GRAMD2A: variants seen among roughly 807,000 people sequenced by gnomAD.
GRAMD2A encodes the protein GRAM domain-containing protein 2A.
Under a neutral mutation model 51.1 loss-of-function variants are expected in GRAMD2A, and 37 were observed. The observed-to-expected ratio is 0.72, with a 90% CI of 0.56 to 0.95. The LOEUF (loss-of-function observed/expected upper bound fraction) is 0.95. Among genes scored for constraint, GRAMD2A ranks in the 40% least tolerant of loss-of-function variants. The pLI is 0.00. For synonymous variants in GRAMD2A, 136 were observed against 157.1 expected (o/e 0.87, Z 1.01); for missense variants, 414 against 426.9 (o/e 0.97, Z 0.27).
chr15:72,168,903 C>G, intron 3 of GRAMD2A, 36 bp downstream of exon 3: 1 of 1,600,776 alleles, frequency 6.2e-7, no homozygotes, highest in South Asian at 1.1e-5. Context: ...GGACCCCTTC[C>G]TGGGTGAATA....
In GRAMD2A at chr15:72,195,446, C is replaced by T. The variant is rs530636373; in HGVS notation, c.41+2285G>A. Among the ~76,000 whole-genome samples, 10 of 152,288 alleles carry T rather than the reference C, an allele frequency of 6.6e-5. No homozygotes were observed. The East Asian group carries it at 1.9e-3, about 29-fold the overall frequency. ...TAAGCAGGTTAGGGGCGGGGTGGAG[C>T]CACCCAGGAGGCACTAACAGCGCAG... On this transcript the variant is annotated intron_variant, in intron 1 of 11. Coordinates refer to ENST00000309731, the MANE Select transcript of GRAMD2A (RefSeq NM_001012642.3).
At chr15:72,197,588 C>G in intron 1 of GRAMD2A, 143 bp downstream of exon 1, 1 of 596,680 alleles carries the variant, frequency 1.7e-6, no homozygotes. Flanking sequence ...AGCCCGCATT[C>G]CGGCGGCCGG....
chr15:72,168,891 C>G, intron 3 of GRAMD2A, 48 bp downstream of exon 3: 2 of 1,567,950 alleles, frequency 1.3e-6, no homozygotes, highest in Non-Finnish European at 1.8e-6. Flanking sequence ...TCTGGCAGCC[C>G]AGGACCCCTT....
chr15:72,173,298 C>G (rs1233877623), intron 1 of GRAMD2A, among the ~76,000 whole-genome samples: 2 of 152,174 alleles, frequency 1.3e-5, no homozygotes, highest in African/African-American at 4.8e-5. Flanking sequence ...TGCATGGATT[C>G]TAAACCAAAC....
At chr15:72,171,581 G>A (rs1043739664) in intron 1 of GRAMD2A, among the ~76,000 whole-genome samples, 28 of 152,154 alleles carry the variant, frequency 1.8e-4, no homozygotes, top group African/African-American at 6.3e-4. Context: ...CCATCAGCAC[G>A]ACATGAAGGT....
rs771204174 is a variant in GRAMD2A, at chr15:72,162,341, C to T, written c.993G>A (p.Ala331=). ...CFLVMSSSYL[A]FRISRLEQQL... is the part of the protein sequence containing the mutation. Reference sequence around the variant, plus strand: ...GCTGCTCTAGCCGAGAAATACGGAACGCCAGGTAGGATGAGGACATGACCA... The same window carrying T: ...GCTGCTCTAGCCGAGAAATACGGAATGCCAGGTAGGATGAGGACATGACCA... The change falls in exon 11 of 12, where the codon GCG becomes GCA. Residue 331 remains alanine, a synonymous_variant. Transcript: ENST00000309731. 49 of 1,613,944 alleles carry T rather than the reference C, an allele frequency of 3.0e-5. 1 individual carries two copies. The South Asian group carries it at 3.4e-4, about 11-fold the overall frequency.
rs2081593999 is a variant in GRAMD2A, at chr15:72,170,070, A to G, written c.42-131T>C. On this transcript the variant is annotated intron_variant, in intron 1 of 11. Coordinates refer to ENST00000309731, the MANE Select transcript of GRAMD2A (RefSeq NM_001012642.3). This position sits in a 1 kb window ranked among gnomAD's most constrained non-coding sequence, Gnocchi z 4.5. ...GGCCCTGATATTGAGGGTGACACTG[A>G]AAATGTCACAGTTCAGAGGCAGCAG... 9.2e-6 allele frequency: 7 copies of G among 762,424 alleles called. No individual in the cohort carries two copies. In the Admixed American group the frequency reaches 1.1e-4, roughly 12 times the overall value. The allele number at this position is 762,424 out of a possible 1,614,324, so 47.2% of individuals were successfully genotyped here.
rs530133758 is a variant in GRAMD2A at position 72,166,407 on chromosome 15, T to C, written c.543+225A>G. ...TAAGCCCATGAACAAGGAGCATCTG[T>C]ATATGGGGACACACAGGGGCTCACT... On this transcript the variant is annotated intron_variant, in intron 7 of 11. Transcript: ENST00000309731. This position sits in a 1 kb window ranked among gnomAD's most constrained non-coding sequence, Gnocchi z 4.1. 1.3e-5 allele frequency among the ~76,000 whole-genome samples: 2 copies of C among 152,296 alleles called. No homozygotes were observed. The highest frequency in any genetic ancestry group is 3.9e-4 in the East Asian group (2 of 5,178).
chr15:72,180,791 C>T (rs140000654), intron 1 of GRAMD2A, among the ~76,000 whole-genome samples: 1 of 152,308 alleles, frequency 6.6e-6, no homozygotes, highest in East Asian at 1.9e-4. Context: ...TTCTGGGCCT[C>T]AGTGACTCCT....
rs760102809 is a variant in GRAMD2A at position 72,162,347 on chromosome 15, G to A, written c.987C>T (p.Tyr329=). ...LICFLVMSSS[Y]LAFRISRLEQ... is the part of the protein sequence containing the mutation. Reference sequence around the variant, plus strand: ...CTAGCCGAGAAATACGGAACGCCAGGTAGGATGAGGACATGACCAGGAAGC... The same window carrying A: ...CTAGCCGAGAAATACGGAACGCCAGATAGGATGAGGACATGACCAGGAAGC... Residue 329 remains tyrosine (Y), a synonymous_variant, in exon 11 of 12, where the codon TAC becomes TAT. Transcript: ENST00000309731. The A allele has an allele frequency of 6.2e-7, 1 of 1,614,042 alleles. No homozygotes were observed. The highest frequency in any genetic ancestry group is 2.2e-5 in the East Asian group (1 of 44,880).
intron 1 of GRAMD2A, among the ~76,000 whole-genome samples, chr15:72,177,175 A>G (rs929070108): frequency 9.9e-5 from 15 of 151,680 alleles, no homozygotes; most frequent in Non-Finnish European, 5.9e-5. Flanking sequence ...AGTCCTTTAA[A>G]AAAAAAAAAA....
At chr15:72,192,993 G>A (rs1451464191) in intron 1 of GRAMD2A, among the ~76,000 whole-genome samples, 3 of 151,940 alleles carry the variant, frequency 2.0e-5, no homozygotes, top group African/African-American at 4.8e-5. Context: ...GGGCGTGGTG[G>A]CACATGACTG....
In GRAMD2A at chr15:72,194,393, G is replaced by A. The variant is rs952897093; in HGVS notation, c.41+3338C>T. ...GAAATTGGAGGGATTTTGGGGGGAC[G>A]GGGAATAAGTTTTATTTTATTCTTT... On this transcript the variant is annotated intron_variant, in intron 1 of 11. Transcript: ENST00000309731. Among the ~76,000 whole-genome samples, 14 of 152,136 alleles carry A rather than the reference G, an allele frequency of 9.2e-5. 1 individual carries two copies. Among genetic ancestry groups the A allele is most frequent in the Non-Finnish European group, 1.3e-4 (9 of 68,026 alleles).
chr15:72,182,672 G>C (rs538070716), intron 1 of GRAMD2A, among the ~76,000 whole-genome samples: 2 of 152,244 alleles, frequency 1.3e-5, no homozygotes, highest in African/African-American at 2.4e-5. Context: ...AGGACATTAT[G>C]TTAAGTGAAA....
chr15:72,168,856 G>A (rs1287155519), intron 3 of GRAMD2A, 83 bp downstream of exon 3: 2 of 1,269,278 alleles, frequency 1.6e-6, no homozygotes, highest in Non-Finnish European at 2.3e-6. Flanking sequence ...AGGCCCGGTG[G>A]CCAAGGAGCC....
Position 72,161,059 on chromosome 15 carries a change from G to C in GRAMD2A, c.*950C>G, listed in dbSNP as rs752270285. On this transcript the variant is annotated 3_prime_UTR_variant, in exon 12 of 12. Transcript: ENST00000309731. ...ACTGTCCAGACAAGCCCCCCTCAAC[G>C]GGCTGCTGTTGGCCATGCCTGAGAT... The C allele has an allele frequency of 5.3e-5, 8 of 152,274 alleles. No individual in the cohort carries two copies. The highest frequency in any genetic ancestry group is 1.2e-4 in the Non-Finnish European group (8 of 68,100). 9.4% of individuals were successfully genotyped at this position (152,274 alleles called of 1,614,324 possible). A position where few individuals can be genotyped will look rare whatever the true frequency, so the allele number is the denominator to read the frequency against.
At chr15:72,172,895 C>T (rs1298445826) in intron 1 of GRAMD2A, among the ~76,000 whole-genome samples, 2 of 152,138 alleles carry the variant, frequency 1.3e-5, no homozygotes, top group African/African-American at 4.8e-5. Context: ...CGCTTGGTCT[C>T]AGTCCTCTCA....
At chr15:72,187,132 C>T (rs1469180328) in intron 1 of GRAMD2A, among the ~76,000 whole-genome samples, 1 of 151,298 alleles carries the variant, frequency 6.6e-6, no homozygotes, top group Non-Finnish European at 1.5e-5. Context: ...TGCATTCCAG[C>T]CTGGGCAACA....
intron 1 of GRAMD2A, among the ~76,000 whole-genome samples, chr15:72,172,453 G>T (rs2081620729): frequency 7.7e-6 from 1 of 129,182 alleles, no homozygotes; most frequent in Non-Finnish European, 1.6e-5. Flanking sequence ...GTCTTGCTCT[G>T]TCACCCAAGC....
Sources: gnomAD v4.1 joint callset for allele counts (sites outside exome capture counted in the v4.1 genomes callset) on GRCh38, gnomAD v4.1.1 for gene constraint, Gnocchi (gnomAD v3.1) non-coding constraint, MANE v1.5 for transcripts, NCBI Gene and HGNC (gene_info 2026-07-23, HGNC 2026-07-21) for gene names.